SLC24A2: variants seen among roughly 807,000 people sequenced by gnomAD.
SLC24A2 encodes solute carrier family 24 member 2, also known as sodium/potassium/calcium exchanger 2.
SLC24A2 carries 36 observed loss-of-function variants against 62.0 expected under a neutral mutation model. That is an observed-to-expected ratio of 0.58 (90% CI 0.44 to 0.77). The LOEUF is 0.77. Ranked by LOEUF, SLC24A2 falls within the 30% of genes least tolerant of loss-of-function variation. SLC24A2 has a pLI of 0.00. For synonymous variants in SLC24A2, 358 were observed against 294.0 expected, an observed-to-expected ratio of 1.22 and a Z score of -2.23; for missense variants, 846 against 817.9, an observed-to-expected ratio of 1.03 and a Z score of -0.42.
chr9:19,747,045 T>A (rs1821853413), intron 2 of SLC24A2, among the ~76,000 whole-genome samples: 1 of 152,168 alleles, frequency 6.6e-6, no homozygotes, highest in East Asian at 1.9e-4. Flanking sequence ...GAGTATAACC[T>A]CTTTTTAAAA....
the SLC24A2 span, among the ~76,000 whole-genome samples, chr9:19,977,071 G>A: frequency 6.6e-6 from 1 of 151,710 alleles, no homozygotes; most frequent in Non-Finnish European, 1.5e-5. Context: ...ATAAGTTTTT[G>A]TGACATCTTT....
the SLC24A2 span, among the ~76,000 whole-genome samples, chr9:19,960,409 G>A: frequency 5.9e-5 from 9 of 152,096 alleles, no homozygotes; most frequent in Non-Finnish European, 1.3e-4. Context: ...GCATTCGTGT[G>A]TAATGAGCTG....
chr9:19,993,091 A>G, the SLC24A2 span, among the ~76,000 whole-genome samples: 1 of 152,186 alleles, frequency 6.6e-6, no homozygotes, highest in Non-Finnish European at 1.5e-5. Flanking sequence ...ATAAGGTAGC[A>G]TCATAATTGA....
At chr9:19,806,866 T>A in the SLC24A2 span, among the ~76,000 whole-genome samples, 1 of 152,034 alleles carries the variant, frequency 6.6e-6, no homozygotes, top group East Asian at 1.9e-4. Context: ...TTTTCACAAG[T>A]AGGTCCCTCC....
chr9:19,544,042 C>T (rs1299836481), intron 8 of SLC24A2, among the ~76,000 whole-genome samples: 1 of 152,050 alleles, frequency 6.6e-6, no homozygotes. Context: ...TTAAATCTCC[C>T]ACTATTATTG....
intron 10 of SLC24A2, among the ~76,000 whole-genome samples, chr9:19,518,978 C>G (rs191195244): frequency 5.2e-4 from 79 of 152,134 alleles, no homozygotes; most frequent in Admixed American, 1.4e-3. Flanking sequence ...TTTATCCTAA[C>G]AAATAATTAA....
chr9:19,956,895 C>T, the SLC24A2 span, among the ~76,000 whole-genome samples: 1 of 152,148 alleles, frequency 6.6e-6, no homozygotes, highest in South Asian at 2.1e-4. Context: ...CATGTGAGGA[C>T]ACAGCAAAAA....
chr9:20,009,263 G>A, the SLC24A2 span, among the ~76,000 whole-genome samples: 1 of 151,714 alleles, frequency 6.6e-6, no homozygotes, highest in Non-Finnish European at 1.5e-5. Context: ...AAAGAATGGG[G>A]GTGTTTAGCT....
chr9:20,235,766 G>T, the SLC24A2 span, among the ~76,000 whole-genome samples: 10 of 152,232 alleles, frequency 6.6e-5, no homozygotes, highest in Non-Finnish European at 1.0e-4. Flanking sequence ...ACTCCCCAGT[G>T]AGATGAAACC....
chr9:19,865,855 C>T, the SLC24A2 span, among the ~76,000 whole-genome samples: 5 of 152,082 alleles, frequency 3.3e-5, no homozygotes, highest in African/African-American at 9.7e-5. Flanking sequence ...TATGGGATCA[C>T]AGCAAGTTAA....
At chr9:19,869,401 G>A in the SLC24A2 span, among the ~76,000 whole-genome samples, 6 of 152,068 alleles carry the variant, frequency 3.9e-5, no homozygotes, top group South Asian at 2.1e-4. Flanking sequence ...TTGAGCATTC[G>A]TTTTTCTCTT....
At chr9:19,863,387 T>C in the SLC24A2 span, among the ~76,000 whole-genome samples, 1 of 151,996 alleles carries the variant, frequency 6.6e-6, no homozygotes, top group Non-Finnish European at 1.5e-5. Context: ...CTAGACCAAA[T>C]GGATCTAATA....
the SLC24A2 span, among the ~76,000 whole-genome samples, chr9:20,290,409 T>C: frequency 2.4e-3 from 364 of 152,374 alleles, 4 homozygotes; most frequent in African/African-American, 8.5e-3. Flanking sequence ...TCATCTTGCC[T>C]GTAATCTGGG....
the SLC24A2 span, among the ~76,000 whole-genome samples, chr9:19,944,880 T>C: frequency 6.6e-6 from 1 of 152,192 alleles, no homozygotes; most frequent in Admixed American, 6.5e-5. Flanking sequence ...TCTAAATTGC[T>C]GGACTTAAAA....
chr9:20,173,698 G>T, the SLC24A2 span, among the ~76,000 whole-genome samples: 2 of 152,034 alleles, frequency 1.3e-5, no homozygotes, highest in African/African-American at 4.8e-5. Context: ...ATAAATCATA[G>T]AACACACAAA....
chr9:20,083,585 G>C, the SLC24A2 span, among the ~76,000 whole-genome samples: 2 of 152,246 alleles, frequency 1.3e-5, no homozygotes, highest in African/African-American at 2.4e-5. Flanking sequence ...ATTCAGTCAA[G>C]TCTGCCAGTG....
chr9:19,636,315 T>TTTTCTTTTCTTTCCTTTTCTTTCCTTTC, intron 2 of SLC24A2, among the ~76,000 whole-genome samples: 6 of 40,318 alleles, frequency 1.5e-4, no homozygotes, highest in African/African-American at 5.8e-4. Context: ...TTTTCTTTTC[T>TTTTCTTTTCTTTCCTTTTCTTTCCTTTC]TTTCTTTCTT....
chr9:19,758,568 C>T (rs979534237), intron 2 of SLC24A2, among the ~76,000 whole-genome samples: 14 of 152,058 alleles, frequency 9.2e-5, no homozygotes, highest in African/African-American at 3.1e-4. Flanking sequence ...TAGAATATAA[C>T]ATTATTTGGA....
At chr9:20,267,058 G>GAAAAAA in the SLC24A2 span, among the ~76,000 whole-genome samples, 3 of 127,632 alleles carry the variant, frequency 2.4e-5, no homozygotes, top group Non-Finnish European at 3.5e-5. Flanking sequence ...CTTAAGAAAT[G>GAAAAAA]AAAAAAAAAA....
Sources: allele counts gnomAD v4.1 joint callset (sites outside exome capture counted in the v4.1 genomes callset), GRCh38; gene constraint gnomAD v4.1.1; transcripts MANE v1.5; gene names NCBI Gene and HGNC (gene_info 2026-07-23, HGNC 2026-07-21).